The following ZFPM1 variants were observed in gnomAD, a reference collection of about 807,000 sequenced individuals.
The protein encoded by ZFPM1 is zinc finger protein ZFPM1.
In ZFPM1, 28 loss-of-function variants were observed where a neutral mutation model predicts 46.3. The ratio of observed to expected loss-of-function variants is 0.60; its 90% CI spans 0.45 to 0.83. The LOEUF is 0.83. Among genes scored for constraint, ZFPM1 ranks in the 40% least tolerant of loss-of-function variants. ZFPM1 has a pLI of 0.00. For missense variants in ZFPM1, 1,878 were observed against 1,432.4 expected, an observed-to-expected ratio of 1.31 and a Z score of -5.02; for synonymous variants, 957 against 675.9, an observed-to-expected ratio of 1.42 and a Z score of -6.45.
chr16:88,460,182 G>C (rs1180288579), intron 1 of ZFPM1, among the ~76,000 whole-genome samples: 1 of 152,158 alleles, frequency 6.6e-6, no homozygotes, highest in East Asian at 1.9e-4. Flanking sequence ...ACCCGGCTCT[G>C]GGAGGGTCTG....
intron 4 of ZFPM1, among the ~76,000 whole-genome samples, chr16:88,517,180 A>ATG (rs1911357252): frequency 2.2e-5 from 2 of 92,198 alleles, no homozygotes; most frequent in East Asian, 4.2e-4. Flanking sequence ...ATGGATGGGT[A>ATG]GATGGATGGA....
chr16:88,462,284 C>G (rs1216321868), intron 1 of ZFPM1, among the ~76,000 whole-genome samples: 1 of 152,248 alleles, frequency 6.6e-6, no homozygotes, highest in Non-Finnish European at 1.5e-5. Context: ...CCTGACTCCC[C>G]TGGTTCCCTC....
At chr16:88,478,942 C>T (rs757958800) in intron 1 of ZFPM1, among the ~76,000 whole-genome samples, 3 of 152,164 alleles carry the variant, frequency 2.0e-5, no homozygotes, top group African/African-American at 7.2e-5. Flanking sequence ...CGGGCCACAC[C>T]GGGGTGATGG....
intron 8 of ZFPM1, 33 bp downstream of exon 8, chr16:88,532,742 T>C (rs1912894195): frequency 1.2e-6 from 2 of 1,612,266 alleles, no homozygotes; most frequent in Admixed American, 3.3e-5. Flanking sequence ...GGTGTGTGGG[T>C]CCCGCCTCCC....
At chr16:88,474,821 C>T (rs998804268) in intron 1 of ZFPM1, among the ~76,000 whole-genome samples, 72 of 152,240 alleles carry the variant, frequency 4.7e-4, no homozygotes, top group Non-Finnish European at 8.2e-4. Flanking sequence ...GTCGGGAACC[C>T]GCATCTGGGG....
Position 88,460,896 on chromosome 16 carries a change from T to TGGGAGGCCTGGTGAGGACCGAGGGGC in ZFPM1, c.40+7222_40+7247dup, listed in dbSNP as rs1907788829. On this transcript the variant is annotated intron_variant, in intron 1 of 9. Coordinates refer to ENST00000319555, the MANE Select transcript of ZFPM1 (RefSeq NM_153813.3). ...ACTGGGCAGGCTAAGGACTGAGGGA[T>TGGGAGGCCTGGTGAGGACCGAGGGGC]GGGAGGCCTGGTGAGGACCGAGGGG... Among the ~76,000 whole-genome samples, 16 of 110,680 alleles carry TGGGAGGCCTGGTGAGGACCGAGGGGC rather than the reference T, an allele frequency of 1.4e-4. 3 individuals carry two copies. The highest frequency in any genetic ancestry group is 3.0e-4 in the East Asian group (1 of 3,352). The allele number at this position is 110,680 out of a possible 152,430, so 72.6% of individuals were successfully genotyped here. A position where few individuals can be genotyped will look rare whatever the true frequency, so the allele number is the denominator to read the frequency against.
chr16:88,524,401 G>A (rs1912150410), intron 4 of ZFPM1, among the ~76,000 whole-genome samples: 1 of 152,198 alleles, frequency 6.6e-6, no homozygotes, highest in Admixed American at 6.5e-5. Context: ...CCCCACAGCT[G>A]GCGTGCAGTT....
intron 4 of ZFPM1, among the ~76,000 whole-genome samples, chr16:88,515,512 C>T (rs948912711): frequency 3.3e-5 from 5 of 152,222 alleles, no homozygotes; most frequent in Non-Finnish European, 5.9e-5. Flanking sequence ...TGAGAGGGGG[C>T]GTGGGCAGGG....
At chr16:88,462,885 G>A (rs1217382799) in intron 1 of ZFPM1, among the ~76,000 whole-genome samples, 1 of 144,054 alleles carries the variant, frequency 6.9e-6, no homozygotes, top group Non-Finnish European at 1.6e-5. Flanking sequence ...TGTGAGGAGC[G>A]ATGCCACCCA....
In ZFPM1 at chr16:88,534,218, G is replaced by A. The variant is rs1238326605; in HGVS notation, c.2260G>A (p.Ala754Thr). ...GCTCTACGAGCTGCACGCGGCCGGC[G>A]CCCCGCCCCCCCCGCCGCCCGGCCA... ...RKLYELHAAG[A>T]PPPPPPGHAP... The change falls in exon 10 of 10, where the codon GCC becomes ACC. Residue 754 changes from alanine (A) to threonine (T), a missense_variant. Coordinates refer to ENST00000319555, the MANE Select transcript of ZFPM1 (RefSeq NM_153813.3). The A allele has an allele frequency of 2.4e-5, 24 of 980,152 alleles. No homozygotes were observed. The highest frequency in any genetic ancestry group is 2.8e-5 in the Non-Finnish European group (23 of 829,260). 60.7% of individuals were successfully genotyped at this position (980,152 alleles called of 1,614,324 possible). A position where few individuals can be genotyped will look rare whatever the true frequency, so the allele number is the denominator to read the frequency against.
intron 1 of ZFPM1, among the ~76,000 whole-genome samples, chr16:88,476,505 G>A (rs1908694634): frequency 6.6e-6 from 1 of 152,130 alleles, no homozygotes; most frequent in South Asian, 2.1e-4. Flanking sequence ...CCGAGCAGGT[G>A]CCTGCTGGAA....
At position 88,532,639 on chromosome 16, in the gene ZFPM1, C is replaced by T. The variant is rs370093014; in HGVS notation, c.972C>T (p.Ile324=). The T allele has an allele frequency of 6.3e-7, 1 of 1,584,092 alleles. No individual in the cohort carries two copies. The highest frequency in any genetic ancestry group is 1.3e-5 in the African/African-American group (1 of 74,408). Residue 324 remains isoleucine, a synonymous_variant, in exon 8 of 10, where the codon ATC becomes ATT. Coordinates refer to ENST00000319555, the MANE Select transcript of ZFPM1 (RefSeq NM_153813.3). ...HSGERPFVCL[I]CLSAFTTKAN... is the part of the protein sequence containing the mutation. The stretch of plus-strand genomic sequence containing the variant: ...GAGAGCGGCCCTTCGTGTGCCTGAT[C>T]TGCCTGTCGGCCTTCACCACCAAGG...
At chr16:88,453,839 T>G (rs1907408160) in intron 1 of ZFPM1, among the ~76,000 whole-genome samples, 161 bp downstream of exon 1, 1 of 151,052 alleles carries the variant, frequency 6.6e-6, no homozygotes, top group South Asian at 2.1e-4. Context: ...TAATCTAATC[T>G]CCGCCGGCGG....
intron 1 of ZFPM1, among the ~76,000 whole-genome samples, chr16:88,482,362 C>T (rs1908986145): frequency 6.6e-6 from 1 of 152,172 alleles, no homozygotes. Flanking sequence ...AGGGCAGCAT[C>T]CACCTCGACA....
At chr16:88,531,978 C>A (rs375089066) in intron 6 of ZFPM1, 24 bp from the exon 7 acceptor site, 4 of 1,575,236 alleles carry the variant, frequency 2.5e-6, no homozygotes, top group South Asian at 1.2e-5. Flanking sequence ...TTCAGCCTGA[C>A]CCCGCCTGCT....
intron 1 of ZFPM1, among the ~76,000 whole-genome samples, chr16:88,468,210 G>A (rs1287869714): frequency 3.0e-5 from 4 of 134,188 alleles, no homozygotes; most frequent in Admixed American, 7.5e-5. Context: ...TCAAGCACCC[G>A]CGAGCCCACC....
At position 88,533,577 on chromosome 16, in the gene ZFPM1, C is replaced by A; in HGVS notation, c.1619C>A (p.Ser540Ter). ...VFGPDAAPPASEILAKMSELV... is the reference protein window; with the variant it reads ...VFGPDAAPPA ...GGGCCCGACGCGGCGCCCCCCGCCT[C>A]GGAGATCCTGGCCAAGATGTCCGAG... Residue 540 changes from serine (S) to a stop codon, truncating the protein, a stop_gained, in exon 10 of 10, where the codon TCG (serine) becomes TAG (stop). Coordinates refer to ENST00000319555, the MANE Select transcript of ZFPM1 (RefSeq NM_153813.3). LOFTEE classifies it low-confidence loss of function (END_TRUNC). 6.7e-7 allele frequency: 1 copy of A among 1,499,692 alleles called. No homozygotes were observed. Among genetic ancestry groups the A allele is most frequent in the East Asian group, 2.9e-5 (1 of 34,554 alleles). The allele number at this position is 1,499,692 out of a possible 1,614,324, so 92.9% of individuals were successfully genotyped here.
At position 88,469,809 on chromosome 16, in the gene ZFPM1, C is replaced by T. The variant is rs573481798; in HGVS notation, c.41-16130C>T. Among the ~76,000 whole-genome samples the T allele has an allele frequency of 2.0e-5, 3 of 152,090 alleles. No homozygotes were observed. The East Asian group carries it at 5.8e-4, about 30-fold the overall frequency. On this transcript the variant is annotated intron_variant, in intron 1 of 9. Coordinates refer to ENST00000319555, the MANE Select transcript of ZFPM1 (RefSeq NM_153813.3). This position sits in a 1 kb window ranked among gnomAD's most constrained non-coding sequence, Gnocchi z 4.3. ...CTAAGGAGAGGAAGTAGGGAGGGGC[C>T]GTCCGACCAGAACCAGACATCACCT...
chr16:88,492,405 C>A (rs762935483), intron 3 of ZFPM1, among the ~76,000 whole-genome samples: 6 of 152,212 alleles, frequency 3.9e-5, no homozygotes, highest in Non-Finnish European at 7.3e-5. Context: ...TGGGAGGTGC[C>A]GTCCTCCTTT....
Sources: gnomAD v4.1 joint callset for allele counts (sites outside exome capture counted in the v4.1 genomes callset) on GRCh38, gnomAD v4.1.1 for gene constraint, Gnocchi (gnomAD v3.1) non-coding constraint, MANE v1.5 for transcripts, NCBI Gene and HGNC (gene_info 2026-07-23, HGNC 2026-07-21) for gene names.